Variants in PRKCA observed in about 807,000 individuals in gnomAD.
The protein encoded by PRKCA is protein kinase C alpha.
PRKCA carries 27 observed loss-of-function variants against 87.0 expected under a neutral mutation model. That is an observed-to-expected ratio of 0.31 (90% CI 0.23 to 0.43). The LOEUF (loss-of-function observed/expected upper bound fraction) is 0.43, where lower values mean the gene tolerates loss of function less well. Ranked by LOEUF, PRKCA falls within the 20% of genes least tolerant of loss-of-function variation. The probability of loss-of-function intolerance (pLI) is 1.00; values close to 1 mark genes in which losing one functional copy is unlikely to be tolerated. For missense variants in PRKCA, 518 were observed against 852.3 expected (o/e 0.61, Z 4.88); for synonymous variants, 329 against 311.1 (o/e 1.06, Z -0.61).
At chr17:66,692,313 A>AC (rs1701661116) in intron 8 of PRKCA, among the ~76,000 whole-genome samples, 1 of 152,266 alleles carries the variant, frequency 6.6e-6, no homozygotes, top group Non-Finnish European at 1.5e-5. Flanking sequence ...TTAAAAAAAC[A>AC]CAACTGCAAG....
chr17:66,556,780 C>A (rs7208913), intron 3 of PRKCA, among the ~76,000 whole-genome samples: 27,128 of 152,050 alleles, frequency 0.18, 2,806 homozygotes, highest in African/African-American at 0.28. Flanking sequence ...CATCCCCTTC[C>A]ACCATGATTT....
intron 2 of PRKCA, among the ~76,000 whole-genome samples, chr17:66,460,039 T>C (rs1914774356): frequency 6.6e-6 from 1 of 152,234 alleles, no homozygotes; most frequent in Non-Finnish European, 1.5e-5. Flanking sequence ...TGATTTCTTT[T>C]GCAAAATTAA....
intron 8 of PRKCA, among the ~76,000 whole-genome samples, chr17:66,715,431 A>G (rs1973449176): frequency 6.6e-6 from 1 of 152,160 alleles, no homozygotes; most frequent in African/African-American, 2.4e-5. Context: ...TAAGATAAAC[A>G]CCGTGGCTCC....
chr17:66,314,016 C>A (rs1450134762), intron 2 of PRKCA, among the ~76,000 whole-genome samples: 1 of 152,110 alleles, frequency 6.6e-6, no homozygotes, highest in South Asian at 2.1e-4. Flanking sequence ...TGCTTTCATT[C>A]CAAAAGCACC....
At chr17:66,765,455 T>TATATA (rs1974790127) in intron 13 of PRKCA, among the ~76,000 whole-genome samples, 4 of 97,774 alleles carry the variant, frequency 4.1e-5, no homozygotes, top group African/African-American at 1.5e-4. Flanking sequence ...TATATATATA[T>TATATA]CCATATATAT....
intron 2 of PRKCA, among the ~76,000 whole-genome samples, chr17:66,337,230 G>A (rs1906755470): frequency 6.6e-6 from 1 of 152,092 alleles, no homozygotes; most frequent in Non-Finnish European, 1.5e-5. Context: ...GATGTCTGAG[G>A]GTGAGGAGAG....
At chr17:66,512,350 G>A (rs1404680572) in intron 3 of PRKCA, among the ~76,000 whole-genome samples, 5 of 152,104 alleles carry the variant, frequency 3.3e-5, no homozygotes, top group African/African-American at 1.2e-4. Context: ...GCTGAGGCAG[G>A]AGAATTGCTT....
chr17:66,453,136 G>T (rs1914408168), intron 2 of PRKCA, among the ~76,000 whole-genome samples: 1 of 152,114 alleles, frequency 6.6e-6, no homozygotes, highest in Non-Finnish European at 1.5e-5. Context: ...GGTCACGGAT[G>T]TGGAAATATC....
intron 5 of PRKCA, among the ~76,000 whole-genome samples, chr17:66,683,500 T>A (rs73328278): frequency 0.036 from 5,415 of 152,190 alleles, 342 homozygotes; most frequent in African/African-American, 0.12. Flanking sequence ...GGGATCAGTG[T>A]TTGACTAAAA....
intron 3 of PRKCA, among the ~76,000 whole-genome samples, chr17:66,585,675 GGGAGCCGC>G (rs1969571553): frequency 6.6e-6 from 1 of 152,218 alleles, no homozygotes; most frequent in South Asian, 2.1e-4. Context: ...ATGTGGAGTG[GGGAGCCGC>G]GGAGCAGGGA....
intron 2 of PRKCA, among the ~76,000 whole-genome samples, chr17:66,480,800 A>T (rs1354634676): frequency 6.6e-6 from 1 of 151,922 alleles, no homozygotes; most frequent in African/African-American, 2.4e-5. Context: ...AAAAGCACTG[A>T]ATTCTTAAAT....
intron 14 of PRKCA, among the ~76,000 whole-genome samples, chr17:66,784,224 G>A (rs560120274): frequency 5.3e-4 from 80 of 152,116 alleles, no homozygotes; most frequent in African/African-American, 1.9e-3. Flanking sequence ...CAGGGTGCAG[G>A]CCACGCCCTC....
intron 2 of PRKCA, among the ~76,000 whole-genome samples, chr17:66,393,924 A>C (rs916324287): frequency 6.6e-6 from 1 of 152,028 alleles, no homozygotes; most frequent in Non-Finnish European, 1.5e-5. Flanking sequence ...AAATCCAAAA[A>C]TTGGCCCGGG....
intron 2 of PRKCA, among the ~76,000 whole-genome samples, 183 bp from the exon 3 acceptor site, chr17:66,496,016 CTA>C (rs1262208193): frequency 2.0e-5 from 3 of 152,158 alleles, no homozygotes; most frequent in Admixed American, 6.5e-5. Context: ...ACTCTGTTAT[CTA>C]TGAGTCTAAT....
rs536923619 is a variant in PRKCA at position 66,459,541 on chromosome 17, G to A, written c.206-36660G>A. 1.4e-4 allele frequency among the ~76,000 whole-genome samples: 21 copies of A among 152,290 alleles called. No homozygotes were observed. In the East Asian group the frequency reaches 4.1e-3, roughly 29 times the overall value. ...ATGTGGGGCAAATTTCTATTTTCTGGAAAATTCTTCTGGTGGAACACCTTG... is the reference window on the plus strand; with the variant it reads ...ATGTGGGGCAAATTTCTATTTTCTGAAAAATTCTTCTGGTGGAACACCTTG... On this transcript the variant is annotated intron_variant, in intron 2 of 16. Transcript: ENST00000413366.
At chr17:66,346,220 T>C in intron 2 of PRKCA, among the ~76,000 whole-genome samples, 1 of 151,430 alleles carries the variant, frequency 6.6e-6, no homozygotes, top group East Asian at 2.0e-4. Context: ...CCTCAACCTC[T>C]CGAGTAGCTG....
intron 2 of PRKCA, among the ~76,000 whole-genome samples, chr17:66,318,868 C>T (rs559198192): frequency 6.6e-6 from 1 of 151,734 alleles, no homozygotes; most frequent in African/African-American, 2.4e-5. Context: ...AAAAAAAAGA[C>T]TTGCCGTGGT....
chr17:66,357,190 TC>T (rs1400904011), intron 2 of PRKCA, among the ~76,000 whole-genome samples: 1 of 152,168 alleles, frequency 6.6e-6, no homozygotes, highest in Admixed American at 6.5e-5. Flanking sequence ...GAGTGCCAGC[TC>T]TGAGTCATGG....
chr17:66,649,190 T>C (rs963856091), intron 5 of PRKCA, among the ~76,000 whole-genome samples: 2 of 152,072 alleles, frequency 1.3e-5, no homozygotes, highest in African/African-American at 4.8e-5. Flanking sequence ...ATCAGACTCA[T>C]CTTATTTCAG....
Sources: allele counts gnomAD v4.1 joint callset (sites outside exome capture counted in the v4.1 genomes callset), GRCh38; gene constraint gnomAD v4.1.1; transcripts MANE v1.5; gene names NCBI Gene and HGNC (gene_info 2026-07-23, HGNC 2026-07-21).